The following MDGA2 variants were observed in gnomAD, a reference collection of about 807,000 sequenced individuals.
MDGA2 encodes MAM domain containing glycosylphosphatidylinositol anchor 2.
In MDGA2, 40 loss-of-function variants were observed where a neutral mutation model predicts 117.8. That is an observed-to-expected ratio of 0.34 (90% CI 0.26 to 0.44). The LOEUF is 0.44. MDGA2 is among the 20% of genes least tolerant of loss of function. MDGA2 has a pLI of 1.00. For synonymous variants in MDGA2, 452 were observed against 439.0 expected (o/e 1.03, Z -0.37); for missense variants, 1,123 against 1,250.6 (o/e 0.90, Z 1.54).
chr14:47,215,176 G>A (rs924570374), intron 3 of MDGA2, among the ~76,000 whole-genome samples: 2 of 151,988 alleles, frequency 1.3e-5, no homozygotes, highest in South Asian at 2.1e-4. Flanking sequence ...CATGATTTCA[G>A]ATAAAAACAG....
intron 8 of MDGA2, among the ~76,000 whole-genome samples, chr14:47,013,083 A>C (rs991100768): frequency 3.9e-5 from 6 of 152,154 alleles, no homozygotes; most frequent in African/African-American, 1.4e-4. Context: ...GATTTCTTAA[A>C]ATAAGAAAAC....
intron 1 of MDGA2, among the ~76,000 whole-genome samples, chr14:47,641,546 C>G (rs1229376046): frequency 6.6e-6 from 1 of 151,984 alleles, no homozygotes; most frequent in African/African-American, 2.4e-5. Context: ...CAAAAAGAAA[C>G]AGCATTTGAA....
chr14:47,079,727 A>ATTTTTTTTTTTTTTTTTTT (rs35801678), intron 6 of MDGA2, among the ~76,000 whole-genome samples: 5 of 80,072 alleles, frequency 6.2e-5, no homozygotes, highest in East Asian at 5.2e-4. Context: ...TTTTCTACTA[A>ATTTTTTTTTTTTTTTTTTT]TTTTTTTTTT....
rs60754618 is a variant in MDGA2 at position 47,360,354 on chromosome 14, A to AAAATAAATAAATAAAT, written c.281-58820_281-58805dup. ...CAACAGGAGTGAGAGTCCATCTCAA[A>AAAATAAATAAATAAAT]AAATAAATAAATAAATAAATAAATA... On this transcript the variant is annotated intron_variant, in intron 1 of 16. Transcript: ENST00000399232. Among the ~76,000 whole-genome samples, 888 of 139,992 alleles carry AAAATAAATAAATAAAT rather than the reference A, an allele frequency of 6.3e-3. 7 individuals carry two copies. Among genetic ancestry groups the AAAATAAATAAATAAAT allele is most frequent in the African/African-American group, 7.3e-3 (278 of 37,990 alleles). The allele number at this position is 139,992 out of a possible 152,430, so 91.8% of individuals were successfully genotyped here.
intron 1 of MDGA2, among the ~76,000 whole-genome samples, chr14:47,307,093 T>C (rs1196040547): frequency 1.3e-5 from 2 of 152,212 alleles, no homozygotes; most frequent in Non-Finnish European, 2.9e-5. Flanking sequence ...TACATTTAGC[T>C]AATCAGCATT....
At chr14:47,475,005 T>G (rs1229240185) in intron 1 of MDGA2, among the ~76,000 whole-genome samples, 1 of 152,110 alleles carries the variant, frequency 6.6e-6, no homozygotes, top group Non-Finnish European at 1.5e-5. Flanking sequence ...ACTAAAGAGT[T>G]CCTGCACATC....
chr14:47,057,824 A>C (rs1200616557), intron 7 of MDGA2, among the ~76,000 whole-genome samples: 2 of 151,882 alleles, frequency 1.3e-5, no homozygotes, highest in African/African-American at 4.8e-5. Context: ...GTACCATGAT[A>C]GCTCACTGCA....
chr14:47,533,428 C>A (rs970027951), intron 1 of MDGA2, among the ~76,000 whole-genome samples: 2 of 152,090 alleles, frequency 1.3e-5, no homozygotes, highest in African/African-American at 2.4e-5. Context: ...ATTGATTGAT[C>A]AACAAGTAAA....
At chr14:47,295,931 A>AGGT (rs143119375) in intron 2 of MDGA2, among the ~76,000 whole-genome samples, 85 of 132,422 alleles carry the variant, frequency 6.4e-4, no homozygotes, top group Non-Finnish European at 1.1e-3. Flanking sequence ...GATAGATGAT[A>AGGT]AGATAGATAG....
At chr14:47,229,643 A>G (rs894823493) in intron 2 of MDGA2, among the ~76,000 whole-genome samples, 1 of 151,970 alleles carries the variant, frequency 6.6e-6, no homozygotes, top group Non-Finnish European at 1.5e-5. Context: ...TAGAAATGCT[A>G]TATTTTAAAA....
At chr14:46,870,758 G>A (rs1224299665) in intron 14 of MDGA2, among the ~76,000 whole-genome samples, 5 of 151,990 alleles carry the variant, frequency 3.3e-5, no homozygotes, top group South Asian at 4.1e-4. Context: ...CTAGCAGAAC[G>A]TCAACTGGAC....
intron 3 of MDGA2, among the ~76,000 whole-genome samples, chr14:47,215,776 T>C (rs556128240): frequency 2.2e-4 from 34 of 152,204 alleles, no homozygotes; most frequent in Non-Finnish European, 4.1e-4. Flanking sequence ...TCTCAAATGG[T>C]ATAATTGTAG....
chr14:47,342,975 G>T (rs1195864424), intron 1 of MDGA2: 3 of 860,170 alleles, frequency 3.5e-6, no homozygotes, highest in Admixed American at 4.7e-5. Context: ...GGAAGGAAAG[G>T]CAGCTTTGCC....
chr14:46,938,642 G>A (rs1884880311), intron 9 of MDGA2, among the ~76,000 whole-genome samples: 1 of 151,654 alleles, frequency 6.6e-6, no homozygotes, highest in Admixed American at 6.6e-5. Flanking sequence ...TGCAAGAAAG[G>A]GGAACTCAAA....
chr14:47,237,137 A>T (rs1159544955), intron 2 of MDGA2, among the ~76,000 whole-genome samples: 3 of 152,152 alleles, frequency 2.0e-5, no homozygotes, highest in Non-Finnish European at 2.9e-5. Flanking sequence ...AATGCCAGAG[A>T]ATCTAGTGCA....
intron 3 of MDGA2, among the ~76,000 whole-genome samples, chr14:47,145,099 A>G (rs1421883593): frequency 1.3e-5 from 2 of 152,092 alleles, no homozygotes; most frequent in African/African-American, 4.8e-5. Flanking sequence ...TCCAGATTAT[A>G]TTTGTTAATT....
In MDGA2 at chr14:47,464,567, C is replaced by T. The variant is rs540797330; in HGVS notation, c.281-163017G>A. Among the ~76,000 whole-genome samples, 15 of 152,084 alleles carry T rather than the reference C, an allele frequency of 9.9e-5. No homozygotes were observed. In the South Asian group the frequency reaches 3.1e-3, roughly 32 times the overall value. ...CCAAATGAGAGCGAAATCATAAAGG[C>T]AATCCCATTCATAATTGCCAGAAAA... On this transcript the variant is annotated intron_variant, in intron 1 of 16. Coordinates refer to ENST00000399232, the MANE Select transcript of MDGA2 (RefSeq NM_001113498.3).
At chr14:47,569,829 A>G (rs1895985774) in intron 1 of MDGA2, among the ~76,000 whole-genome samples, 1 of 152,208 alleles carries the variant, frequency 6.6e-6, no homozygotes, top group South Asian at 2.1e-4. Context: ...TGTACAATTA[A>G]TAACTTCTAA....
At chr14:47,499,033 C>A (rs1388001438) in intron 1 of MDGA2, among the ~76,000 whole-genome samples, 1 of 151,860 alleles carries the variant, frequency 6.6e-6, no homozygotes, top group Admixed American at 6.6e-5. Context: ...TATTTATTTT[C>A]CTTGTATTAT....
Sources: gnomAD v4.1 joint callset for allele counts (sites outside exome capture counted in the v4.1 genomes callset) on GRCh38, gnomAD v4.1.1 for gene constraint, MANE v1.5 for transcripts, NCBI Gene and HGNC (gene_info 2026-07-23, HGNC 2026-07-21) for gene names.